SPIDR: variants seen among roughly 807,000 people sequenced by gnomAD.
The protein encoded by SPIDR is scaffold protein involved in DNA repair.
Under a neutral mutation model 104.6 loss-of-function variants are expected in SPIDR, and 93 were observed. The ratio of observed to expected loss-of-function variants is 0.89; its 90% CI spans 0.75 to 1.06. The LOEUF (loss-of-function observed/expected upper bound fraction) is 1.06, where lower values mean the gene tolerates loss of function less well. Ranked by LOEUF, SPIDR falls within the 50% of genes least tolerant of loss-of-function variation. The pLI is 0.00. For missense variants in SPIDR, 1,154 were observed against 1,111.2 expected, an observed-to-expected ratio of 1.04 and a Z score of -0.55; for synonymous variants, 431 against 416.9, an observed-to-expected ratio of 1.03 and a Z score of -0.41.
chr8:47,583,167 G>A (rs947832511), intron 8 of SPIDR, among the ~76,000 whole-genome samples: 5 of 151,712 alleles, frequency 3.3e-5, no homozygotes, highest in East Asian at 3.9e-4. Flanking sequence ...TTAGCCGGGC[G>A]TGGTGGCGGG....
chr8:47,417,769 A>C (rs1316841477), intron 7 of SPIDR, among the ~76,000 whole-genome samples: 1 of 152,174 alleles, frequency 6.6e-6, no homozygotes, highest in African/African-American at 2.4e-5. Flanking sequence ...CTAACATGTA[A>C]GTCTTTAATC....
At chr8:47,267,340 A>G (rs1554547606) in intron 1 of SPIDR, among the ~76,000 whole-genome samples, 1 of 152,126 alleles carries the variant, frequency 6.6e-6, no homozygotes, top group Admixed American at 6.6e-5. Flanking sequence ...GAACATTTGT[A>G]TATGCATTTT....
At chr8:47,284,848 T>G (rs2038507919) in intron 3 of SPIDR, among the ~76,000 whole-genome samples, 1 of 152,152 alleles carries the variant, frequency 6.6e-6, no homozygotes, top group Non-Finnish European at 1.5e-5. Flanking sequence ...TTTAGATAGG[T>G]ATGTTGCTGC....
At chr8:47,715,303 A>G (rs1474609168) in intron 16 of SPIDR, among the ~76,000 whole-genome samples, 2 of 152,002 alleles carry the variant, frequency 1.3e-5, no homozygotes, top group Admixed American at 1.3e-4. Context: ...CAGCCTCCCA[A>G]GTAGCTGGGA....
chr8:47,471,924 G>A (rs1026085162), intron 8 of SPIDR, among the ~76,000 whole-genome samples: 3 of 152,156 alleles, frequency 2.0e-5, no homozygotes, highest in African/African-American at 4.8e-5. Flanking sequence ...TTCCTTTATT[G>A]TAATGTCTGT....
At chr8:47,514,075 G>C (rs192516211) in intron 8 of SPIDR, among the ~76,000 whole-genome samples, 2 of 152,266 alleles carry the variant, frequency 1.3e-5, no homozygotes, top group East Asian at 3.9e-4. Flanking sequence ...TTTTGTATCT[G>C]ATCAAAAGTC....
intron 10 of SPIDR, among the ~76,000 whole-genome samples, chr8:47,632,976 G>C (rs2067300643): frequency 6.6e-6 from 1 of 152,106 alleles, no homozygotes; most frequent in South Asian, 2.1e-4. Context: ...AGCCAACAAG[G>C]GCATAAGGCA....
At chr8:47,295,941 C>T (rs2154241763) in intron 5 of SPIDR, among the ~76,000 whole-genome samples, 1 of 152,258 alleles carries the variant, frequency 6.6e-6, no homozygotes, top group East Asian at 1.9e-4. Flanking sequence ...ACACACTCAC[C>T]AACGCTTGTT....
chr8:47,391,517 G>A (rs2060577068), intron 5 of SPIDR, among the ~76,000 whole-genome samples: 1 of 151,976 alleles, frequency 6.6e-6, no homozygotes, highest in Non-Finnish European at 1.5e-5. Context: ...CTTCAGCCTG[G>A]GCAACGGAGT....
At chr8:47,638,349 G>C (rs979087986) in intron 10 of SPIDR, among the ~76,000 whole-genome samples, 3 of 152,114 alleles carry the variant, frequency 2.0e-5, no homozygotes, top group African/African-American at 7.2e-5. Flanking sequence ...TCTCACTATT[G>C]CCCAGGCTGG....
chr8:47,446,887 C>T (rs2070746350), intron 8 of SPIDR, among the ~76,000 whole-genome samples: 1 of 152,096 alleles, frequency 6.6e-6, no homozygotes, highest in Admixed American at 6.6e-5. Context: ...GTCCAGCCAC[C>T]TTTCAAGGGT....
At chr8:47,490,746 A>G (rs143891270) in intron 8 of SPIDR, among the ~76,000 whole-genome samples, 1,638 of 152,336 alleles carry the variant, frequency 0.011, 17 homozygotes, top group Non-Finnish European at 0.017. Context: ...TATCGCAAGG[A>G]CAAAAAACCA....
At chr8:47,626,433 C>A (rs1449171873) in intron 10 of SPIDR, among the ~76,000 whole-genome samples, 1 of 152,136 alleles carries the variant, frequency 6.6e-6, no homozygotes, top group Non-Finnish European at 1.5e-5. Context: ...AAAGAAACTA[C>A]CATCAGAGTG....
intron 5 of SPIDR, among the ~76,000 whole-genome samples, chr8:47,363,500 T>TAAA (rs34766173): frequency 5.0e-5 from 7 of 139,652 alleles, no homozygotes; most frequent in African/African-American, 1.9e-4. Context: ...CAACCTTTTT[T>TAAA]AAAAAAAAAA....
chr8:47,437,061 A>G lies in SPIDR; in HGVS notation c.878-3262A>G, dbSNP rs937999373. 4.6e-5 allele frequency among the ~76,000 whole-genome samples: 7 copies of G among 152,208 alleles called. No individual in the cohort carries two copies. In the East Asian group the frequency reaches 7.7e-4, roughly 17 times the overall value. On this transcript the variant is annotated intron_variant, in intron 7 of 19. Transcript: ENST00000297423. ...GTGCTATAGATCTTGATCAAAATTC[A>G]TAGTTACTGGAATACTGTCAAGATT...
At chr8:47,581,538 G>T (rs1045478331) in intron 8 of SPIDR, among the ~76,000 whole-genome samples, 1 of 152,038 alleles carries the variant, frequency 6.6e-6, no homozygotes, top group Non-Finnish European at 1.5e-5. Flanking sequence ...CCTGTATAAG[G>T]CGCTCCAGCA....
At chr8:47,596,030 T>A in intron 9 of SPIDR, 24 bp downstream of exon 9, 1 of 1,581,898 alleles carries the variant, frequency 6.3e-7, no homozygotes, top group Non-Finnish European at 8.6e-7. Flanking sequence ...GGCCTAAAGG[T>A]TTTATGCTTG....
intron 8 of SPIDR, among the ~76,000 whole-genome samples, chr8:47,483,079 C>T (rs2077088518): frequency 6.6e-6 from 1 of 152,170 alleles, no homozygotes; most frequent in African/African-American, 2.4e-5. Flanking sequence ...CTTGCTGACC[C>T]AGCTATAGAG....
chr8:47,449,186 G>C (rs1485324527), intron 8 of SPIDR, among the ~76,000 whole-genome samples: 1 of 151,966 alleles, frequency 6.6e-6, no homozygotes, highest in African/African-American at 2.4e-5. Context: ...GGTTTGATGT[G>C]GTATTTAAGT....
Sources: gnomAD v4.1 joint callset for allele counts (sites outside exome capture counted in the v4.1 genomes callset) on GRCh38, gnomAD v4.1.1 for gene constraint, MANE v1.5 for transcripts, NCBI Gene and HGNC (gene_info 2026-07-23, HGNC 2026-07-21) for gene names.